Variants in CDH17 observed in about 807,000 individuals in gnomAD.
CDH17 encodes the protein cadherin 17, also known as cadherin-17.
CDH17 carries 67 observed loss-of-function variants against 86.3 expected under a neutral mutation model. The ratio of observed to expected loss-of-function variants is 0.78; its 90% confidence interval spans 0.64 to 0.95. The LOEUF (loss-of-function observed/expected upper bound fraction) is 0.95, where lower values mean the gene tolerates loss of function less well. Among genes scored for constraint, CDH17 ranks in the 40% least tolerant of loss-of-function variants. The probability of loss-of-function intolerance (pLI) is 0.00; values close to 1 mark genes in which losing one functional copy is unlikely to be tolerated. For missense variants in CDH17, 993 were observed against 1,017.6 expected (o/e 0.98, Z 0.33); for synonymous variants, 367 against 366.4 (o/e 1.00, Z -0.02).
intron 12 of CDH17, among the ~76,000 whole-genome samples, chr8:94,156,237 CTG>C (rs1213971631): frequency 9.9e-5 from 15 of 152,180 alleles, no homozygotes; most frequent in Non-Finnish European, 2.1e-4. Context: ...GGGGTTGAGA[CTG>C]GGATATTTAC....
At chr8:94,196,839 C>T (rs576580686) in intron 1 of CDH17, among the ~76,000 whole-genome samples, 1 of 152,236 alleles carries the variant, frequency 6.6e-6, no homozygotes, top group East Asian at 1.9e-4. Context: ...GCTCCATCTT[C>T]CCTTTTCTTT....
intron 10 of CDH17, among the ~76,000 whole-genome samples, chr8:94,165,544 A>G (rs1049386898): frequency 2.6e-5 from 4 of 152,150 alleles, no homozygotes; most frequent in South Asian, 2.1e-4. Context: ...TCTGCTTCCC[A>G]TAGGACCCAG....
rs199528915 is a variant in CDH17, at chr8:94,173,847, C to T, written c.733G>A (p.Val245Met). ...TENIWKAPKP[V>M]EMVENSTDPH... ...TCAGTTGAGTTTTCCACCATCTCCA[C>T]AGGTTTTGGTGCTTTCCAAATATTC... is the stretch of plus-strand genomic sequence containing the variant. The change falls in exon 7 of 18, where the codon GTG becomes ATG. Residue 245 changes from valine (V) to methionine (M), a missense_variant. Physicochemically the swap from Val to Met is conservative, Grantham distance 21. Coordinates refer to ENST00000027335, the MANE Select transcript of CDH17 (RefSeq NM_004063.4). 4.3e-6 allele frequency: 7 copies of T among 1,613,900 alleles called. No individual in the cohort carries two copies. The highest frequency in any genetic ancestry group is 5.1e-6 in the Non-Finnish European group (6 of 1,179,874).
intron 1 of CDH17, among the ~76,000 whole-genome samples, chr8:94,196,985 C>T (rs1222125957): frequency 2.0e-5 from 3 of 152,198 alleles, no homozygotes; most frequent in Non-Finnish European, 4.4e-5. Context: ...CTCTCCGGCC[C>T]TGTGTAAATC....
At chr8:94,140,921 G>T (rs1267385699) in intron 15 of CDH17, among the ~76,000 whole-genome samples, 1 of 152,056 alleles carries the variant, frequency 6.6e-6, no homozygotes, top group Non-Finnish European at 1.5e-5. Context: ...AGCTTTACTG[G>T]CAAATTCTTT....
intron 12 of CDH17, among the ~76,000 whole-genome samples, chr8:94,153,754 G>A (rs967245747): frequency 4.6e-5 from 7 of 152,100 alleles, no homozygotes; most frequent in Admixed American, 3.9e-4. Context: ...GTGATAACAC[G>A]GATGAACCTA....
At position 94,127,948 on chromosome 8, in the gene CDH17, C is replaced by G. The variant is rs1027134017; in HGVS notation, c.*292G>C. 9.3e-5 allele frequency: 26 copies of G among 279,800 alleles called. No individual in the cohort carries two copies. The highest frequency in any genetic ancestry group is 5.4e-4 in the African/African-American group (24 of 44,362). The allele number at this position is 279,800 out of a possible 1,614,324, so 17.3% of individuals were successfully genotyped here. A position where few individuals can be genotyped will look rare whatever the true frequency, so the allele number is the denominator to read the frequency against. ...TCTCTATTAAAAATACAAAAATTAG[C>G]TGGGCATGGTGGTGGGTGCCTGTAA... On this transcript the variant is annotated 3_prime_UTR_variant, in exon 18 of 18. Coordinates refer to ENST00000027335, the MANE Select transcript of CDH17 (RefSeq NM_004063.4).
chr8:94,212,882 C>CT (rs1814144196), upstream of CDH17, among the ~76,000 whole-genome samples: 1 of 152,198 alleles, frequency 6.6e-6, no homozygotes, highest in South Asian at 2.1e-4. Context: ...AATGGGATGG[C>CT]TAGTAAGTAT....
intron 1 of CDH17, among the ~76,000 whole-genome samples, chr8:94,215,366 T>G (rs1400633329): frequency 6.6e-6 from 1 of 152,198 alleles, no homozygotes; most frequent in Non-Finnish European, 1.5e-5. Flanking sequence ...GAAAACATTA[T>G]GCTTAGTGAA....
intron 1 of CDH17, among the ~76,000 whole-genome samples, chr8:94,201,104 C>T (rs1813903802): frequency 6.6e-6 from 1 of 152,010 alleles, no homozygotes; most frequent in Non-Finnish European, 1.5e-5. Context: ...AAGGTTTTTT[C>T]CCCCTACTTT....
rs1164794379 is a variant in CDH17, at chr8:94,150,834, T to C, written c.1796+1034A>G. Among the ~76,000 whole-genome samples, 7 of 152,252 alleles carry C rather than the reference T, an allele frequency of 4.6e-5. No homozygotes were observed. In the East Asian group the frequency reaches 1.3e-3, roughly 29 times the overall value. ...AATGGTATAAAGATTAAAAACATTT[T>C]GTGTCTTCTCATAATTTTTGACCCA... On this transcript the variant is annotated intron_variant, in intron 13 of 17. Coordinates refer to ENST00000027335, the MANE Select transcript of CDH17 (RefSeq NM_004063.4).
At chr8:94,170,297 G>A (rs1813241807) in intron 9 of CDH17, 100 bp downstream of exon 9, 1 of 1,227,284 alleles carries the variant, frequency 8.1e-7, no homozygotes, top group Admixed American at 2.1e-5. Flanking sequence ...TGGAAGACAT[G>A]GATTACTGAC....
chr8:94,130,926 C>A lies in CDH17; in HGVS notation c.2234G>T (p.Arg745Leu), dbSNP rs763186951. The A allele has an allele frequency of 1.2e-6, 2 of 1,611,294 alleles. No individual in the cohort carries two copies. Among genetic ancestry groups the A allele is most frequent in the East Asian group, 2.2e-5 (1 of 44,864 alleles). ...FEEREYVVLIRINDGGRPPLE... is the reference protein window; with the variant it reads ...FEEREYVVLILINDGGRPPLE... ...GGGTGGCCGACCCCCATCATTGATG[C>A]GGATCAAGACGACATACTCCCTCTC... is the stretch of plus-strand genomic sequence containing the variant. The change falls in exon 16 of 18, where the codon CGC becomes CTC. Residue 745 changes from arginine (R) to leucine (L), a missense_variant. Arg to Leu is a moderately radical substitution (Grantham distance 102). Transcript: ENST00000027335.
At chr8:94,176,702 C>G in intron 4 of CDH17, 23 bp from the exon 5 acceptor site, 1 of 1,602,210 alleles carries the variant, frequency 6.2e-7, no homozygotes, top group African/African-American at 1.3e-5. Context: ...AAAAGGAAAC[C>G]ATGTTGGTGA....
Position 94,165,865 on chromosome 8 carries a change from A to G in CDH17, c.1178T>C (p.Leu393Pro). The change falls in exon 10 of 18, where the codon CTC (leucine) becomes CCC (proline). Residue 393 changes from leucine (L) to proline (P), a missense_variant. Leu to Pro is a moderately conservative substitution (Grantham distance 98). Transcript: ENST00000027335. Reference protein sequence around the residue: ...EQTPKLPMDGLFLIQTYAGML... With the variant: ...EQTPKLPMDGPFLIQTYAGML... Reference sequence around the variant, plus strand: ...TCCAGCATAGGTTTGGATTAGGAAGAGTCCATCCATGGGAAGTTTGGGAGT... The same window carrying G: ...TCCAGCATAGGTTTGGATTAGGAAGGGTCCATCCATGGGAAGTTTGGGAGT... 6.8e-6 allele frequency: 11 copies of G among 1,613,768 alleles called. No individual in the cohort carries two copies. Among genetic ancestry groups the G allele is most frequent in the African/African-American group, 1.3e-5 (1 of 75,054 alleles).
Position 94,145,893 on chromosome 8 carries a change from T to A in CDH17, c.2167+35A>T, listed in dbSNP as rs760550809. 1.2e-5 allele frequency: 19 copies of A among 1,594,120 alleles called. No individual in the cohort carries two copies. The Admixed American group carries it at 3.3e-4, about 28-fold the overall frequency. ...AAATAAAACCTACTTTCATCATCCA[T>A]CTATGTTTTTTTCCATGTATTTCTG... On this transcript the variant is annotated intron_variant, in intron 15 of 17. Transcript: ENST00000027335.
upstream of CDH17, among the ~76,000 whole-genome samples, chr8:94,208,806 A>C (rs1260971557): frequency 6.6e-6 from 1 of 152,236 alleles, no homozygotes; most frequent in Non-Finnish European, 1.5e-5. Context: ...AAAAGACAAG[A>C]AGTTAGAGTG....
intron 1 of CDH17, among the ~76,000 whole-genome samples, chr8:94,208,023 C>T (rs1814062694): frequency 6.6e-6 from 1 of 152,172 alleles, no homozygotes; most frequent in African/African-American, 2.4e-5. Flanking sequence ...CTAGACAATT[C>T]TAAGAATCCC....
intron 15 of CDH17, among the ~76,000 whole-genome samples, chr8:94,132,986 G>A (rs1031266954): frequency 5.3e-5 from 8 of 152,084 alleles, no homozygotes; most frequent in African/African-American, 1.9e-4. Context: ...TACATGTGTG[G>A]TGTTATTTCT....
Sources: allele counts gnomAD v4.1 joint callset (sites outside exome capture counted in the v4.1 genomes callset), GRCh38; gene constraint gnomAD v4.1.1; transcripts MANE v1.5; gene names NCBI Gene and HGNC (gene_info 2026-07-23, HGNC 2026-07-21).